Variants in HSP90AA1 observed in about 807,000 individuals in gnomAD.
The protein encoded by HSP90AA1 is heat shock protein 90 alpha family class A member 1.
Under a neutral mutation model 73.3 loss-of-function variants are expected in HSP90AA1, and 18 were observed. That is an observed-to-expected ratio of 0.25 (90% CI 0.17 to 0.36). HSP90AA1 has a LOEUF of 0.36. Ranked by LOEUF, HSP90AA1 falls within the 10% of genes least tolerant of loss-of-function variation. The probability of loss-of-function intolerance (pLI) is 1.00; values close to 1 mark genes in which losing one functional copy is unlikely to be tolerated. For missense variants in HSP90AA1, 704 were observed against 874.2 expected (o/e 0.81, Z 2.45); for synonymous variants, 477 against 296.9 (o/e 1.61, Z -6.24).
At chr14:102,108,531 CTTTTTTT>C (rs35612478) in intron 1 of HSP90AA1, among the ~76,000 whole-genome samples, 6 of 130,786 alleles carry the variant, frequency 4.6e-5, no homozygotes, top group East Asian at 2.2e-4. Flanking sequence ...TAACTTATAA[CTTTTTTT>C]TTTTTTTTTT....
intron 1 of HSP90AA1, among the ~76,000 whole-genome samples, chr14:102,111,244 A>T (rs1010090311): frequency 6.6e-6 from 1 of 152,222 alleles, no homozygotes; most frequent in African/African-American, 2.4e-5. Flanking sequence ...ACAGGCTTGG[A>T]GGCCTAGAAG....
rs1232706780 is a variant in HSP90AA1, at chr14:102,139,540, C to G, written c.-136G>C. 2.1e-5 allele frequency: 19 copies of G among 919,450 alleles called. No individual in the cohort carries two copies. In the Admixed American group the frequency reaches 5.5e-4, roughly 27 times the overall value. 57.0% of individuals were successfully genotyped at this position (919,450 alleles called of 1,614,324 possible). On this transcript the variant is annotated 5_prime_UTR_variant, in exon 1 of 12. Transcript: ENST00000334701. Reference sequence around the variant, plus strand: ...ACCGCTGAGGAGGCACCCTCAAGTTCACCTCAGGCTCATGACACCAGCCCC... The same window carrying G: ...ACCGCTGAGGAGGCACCCTCAAGTTGACCTCAGGCTCATGACACCAGCCCC...
Position 102,118,413 on chromosome 14 carries a change from A to G in HSP90AA1, c.156-16328T>C, listed in dbSNP as rs576670513. On this transcript the variant is annotated intron_variant, in intron 1 of 11. Transcript: ENST00000334701. ...CTCCCCTTCATTACTTCTATTACTTATTTTTTTTTTTAATTGAGATGGGGT... is the reference window on the plus strand; with the variant it reads ...CTCCCCTTCATTACTTCTATTACTTGTTTTTTTTTTTAATTGAGATGGGGT... Among the ~76,000 whole-genome samples, 4 of 146,462 alleles carry G rather than the reference A, an allele frequency of 2.7e-5. No homozygotes were observed. In the Admixed American group the frequency reaches 2.7e-4, roughly 10 times the overall value.
chr14:102,081,372 C>G lies in HSP90AA1; in HGVS notation c.*340G>C. 2.3e-6 allele frequency: 1 copy of G among 430,178 alleles called. No homozygotes were observed. The highest frequency in any genetic ancestry group is 4.3e-6 in the Non-Finnish European group (1 of 234,870). The allele number at this position is 430,178 out of a possible 1,614,324, so 26.6% of individuals were successfully genotyped here. On this transcript the variant is annotated 3_prime_UTR_variant, in exon 11 of 11. Transcript: ENST00000216281. ...CTAAACATCAAGATACAGCTCAGAACACTTCAATAACAAGATTTGGTCTAC... is the reference window on the plus strand; with the variant it reads ...CTAAACATCAAGATACAGCTCAGAAGACTTCAATAACAAGATTTGGTCTAC...
intron 1 of HSP90AA1, among the ~76,000 whole-genome samples, chr14:102,116,542 A>T (rs2152623150): frequency 6.6e-6 from 1 of 152,166 alleles, no homozygotes; most frequent in East Asian, 1.9e-4. Context: ...TGCTGCCCCC[A>T]CCCTTGCATG....
Position 102,083,556 on chromosome 14 carries a change from A to G in HSP90AA1, c.1476T>C (p.Tyr492=). ...TRMKENQKHI[Y]YITGETKDQV... is the part of the protein sequence containing the mutation. ...ATAGTGTTCTCTTACCTGTGATATA[A>G]TAGATATGTTTCTGGTTCTCCTTCA... is the stretch of plus-strand genomic sequence containing the variant. The change falls in exon 8 of 11, where the codon TAT becomes TAC. Residue 492 remains tyrosine, a synonymous_variant. Coordinates refer to ENST00000216281, the MANE Select transcript of HSP90AA1 (RefSeq NM_005348.4). 1 of 1,613,742 alleles carries G rather than the reference A, an allele frequency of 6.2e-7. No individual in the cohort carries two copies. Among genetic ancestry groups the G allele is most frequent in the Non-Finnish European group, 8.5e-7 (1 of 1,179,824 alleles).
chr14:102,137,591 G>A (rs924687742), intron 1 of HSP90AA1, among the ~76,000 whole-genome samples: 1 of 152,028 alleles, frequency 6.6e-6, no homozygotes, highest in Non-Finnish European at 1.5e-5. Context: ...CCAAAGTGAT[G>A]GGATTACAGG....
chr14:102,138,740 C>G (rs952086168), intron 1 of HSP90AA1, among the ~76,000 whole-genome samples: 3 of 152,130 alleles, frequency 2.0e-5, no homozygotes, highest in Admixed American at 6.5e-5. Flanking sequence ...TGGCTTCCCC[C>G]CTCCCTGGAA....
chr14:102,114,768 G>A (rs1468868761), intron 1 of HSP90AA1, among the ~76,000 whole-genome samples: 12 of 152,078 alleles, frequency 7.9e-5, no homozygotes, highest in Non-Finnish European at 4.4e-5. Context: ...GGGAGGCTGA[G>A]GCGGGCAGAT....
intron 3 of HSP90AA1, 147 bp from the exon 4 acceptor site, chr14:102,085,578 G>A (rs1366976407): frequency 2.4e-5 from 29 of 1,185,694 alleles, no homozygotes; most frequent in Non-Finnish European, 3.6e-5. Flanking sequence ...TGGGCAAGGT[G>A]CCTCGCCCAA....
chr14:102,085,577 T>A, intron 3 of HSP90AA1, 146 bp from the exon 4 acceptor site: 1 of 1,178,320 alleles, frequency 8.5e-7, no homozygotes, highest in Admixed American at 2.0e-5. Flanking sequence ...TTGGGCAAGG[T>A]GCCTCGCCCA....
chr14:102,084,644 T>C (rs2049179481), intron 5 of HSP90AA1, 37 bp downstream of exon 5: 4 of 1,614,046 alleles, frequency 2.5e-6, no homozygotes, highest in Non-Finnish European at 3.4e-6. Context: ...AAGATGATAA[T>C]CTAAGGACAA....
At chr14:102,132,934 T>G (rs1489881446) in intron 1 of HSP90AA1, among the ~76,000 whole-genome samples, 2 of 146,582 alleles carry the variant, frequency 1.4e-5, no homozygotes, top group Admixed American at 7.0e-5. Context: ...CACTCCAGCC[T>G]GGGCCACAGG....
chr14:102,123,532 TG>T (rs2049804624), intron 1 of HSP90AA1, among the ~76,000 whole-genome samples: 1 of 150,606 alleles, frequency 6.6e-6, no homozygotes, highest in African/African-American at 2.4e-5. Context: ...TCTAAAACCT[TG>T]TGGTTTTTTT....
At position 102,120,718 on chromosome 14, in the gene HSP90AA1, C is replaced by T. The variant is rs139501588; in HGVS notation, c.155+18532G>A. Among the ~76,000 whole-genome samples the T allele has an allele frequency of 4.6e-3, 692 of 151,742 alleles. 6 individuals carry two copies. Among genetic ancestry groups the T allele is most frequent in the African/African-American group, 0.015 (641 of 41,380 alleles). ...AGCACTTTGGGAGGCTGAGGCGGGC[C>T]GATTACCTCAGGTCAGGAGTTCAAG... On this transcript the variant is annotated intron_variant, in intron 1 of 11. Transcript: ENST00000334701.
chr14:102,102,103 A>G (rs760200035), intron 1 of HSP90AA1: 1 of 1,606,062 alleles, frequency 6.2e-7, no homozygotes, highest in South Asian at 1.1e-5. Context: ...CATAAACACA[A>G]TCTTCTGGAC....
exon 1 of HSP90AA1, chr14:102,139,599 C>G (rs910563592): frequency 1.5e-6 from 1 of 676,772 alleles, no homozygotes; most frequent in East Asian, 2.7e-5. Context: ...TTCCGCTGGC[C>G]CTGGCGGCTG....
intron 4 of HSP90AA1, 76 bp from the exon 5 acceptor site, chr14:102,085,074 C>T (rs2049193465): frequency 2.5e-6 from 4 of 1,609,336 alleles, no homozygotes; most frequent in South Asian, 2.2e-5. Flanking sequence ...CTATTTTCAA[C>T]CTAAGGCCCA....
intron 2 of HSP90AA1, among the ~76,000 whole-genome samples, chr14:102,093,249 G>A (rs111887294): frequency 0.086 from 12,943 of 149,736 alleles, 1,058 homozygotes; most frequent in East Asian, 0.33. Context: ...AGTGGCTCAC[G>A]CCTGTAATCC....
Sources: allele counts gnomAD v4.1 joint callset (sites outside exome capture counted in the v4.1 genomes callset), GRCh38; gene constraint gnomAD v4.1.1; transcripts MANE v1.5; gene names NCBI Gene and HGNC (gene_info 2026-07-23, HGNC 2026-07-21).